Variants in MAGI2 observed in about 807,000 individuals in gnomAD.
The protein encoded by MAGI2 is membrane-associated guanylate kinase, WW and PDZ domain-containing protein 2.
Under a neutral mutation model 133.3 loss-of-function variants are expected in MAGI2, and 35 were observed. That is an observed-to-expected ratio of 0.26 (90% confidence interval 0.20 to 0.35). MAGI2 has a LOEUF of 0.35. MAGI2 is among the 10% of genes least tolerant of loss of function. The pLI, the probability that MAGI2 is intolerant of heterozygous loss-of-function variation, is 1.00. For synonymous variants in MAGI2, 729 were observed against 710.6 expected (o/e 1.03, Z -0.41); for missense variants, 1,636 against 1,863.4 (o/e 0.88, Z 2.25).
intron 21 of MAGI2, among the ~76,000 whole-genome samples, chr7:78,040,903 T>A (rs1011433341): frequency 3.9e-5 from 6 of 152,196 alleles, no homozygotes. Flanking sequence ...GGCGGCTAGA[T>A]CATTCTGGAG....
intron 1 of MAGI2, among the ~76,000 whole-genome samples, chr7:79,008,335 A>G (rs182735687): frequency 2.6e-5 from 4 of 152,246 alleles, no homozygotes; most frequent in Non-Finnish European, 4.4e-5. Flanking sequence ...ACAGGTGCAA[A>G]ACAAACAGCT....
chr7:78,458,613 C>A (rs1789601186), intron 6 of MAGI2, among the ~76,000 whole-genome samples: 1 of 148,984 alleles, frequency 6.7e-6, no homozygotes. Flanking sequence ...GGTAAATCAT[C>A]TTTGCTGCAA....
intron 2 of MAGI2, among the ~76,000 whole-genome samples, chr7:78,939,486 T>TAGAA (rs911586982): frequency 2.0e-5 from 3 of 152,136 alleles, no homozygotes; most frequent in African/African-American, 7.2e-5. Context: ...AAAGGCTACA[T>TAGAA]AGAAGAAAGA....
chr7:78,177,939 A>G, intron 14 of MAGI2, 72 bp downstream of exon 14: 1 of 1,093,732 alleles, frequency 9.1e-7, no homozygotes, highest in Non-Finnish European at 1.4e-6. Flanking sequence ...ATATCACACT[A>G]AACACTATTT....
chr7:79,449,476 C>T (rs1849088428), intron 1 of MAGI2, among the ~76,000 whole-genome samples: 1 of 151,490 alleles, frequency 6.6e-6, no homozygotes, highest in Non-Finnish European at 1.5e-5. Flanking sequence ...GGAATGTAGG[C>T]CACAAAGGCC....
intron 6 of MAGI2, among the ~76,000 whole-genome samples, chr7:78,397,089 C>A (rs1562940039): frequency 6.6e-6 from 1 of 151,742 alleles, no homozygotes. Flanking sequence ...TGATAGCTGG[C>A]AACAGAGTTT....
chr7:78,019,793 G>C lies in MAGI2; in HGVS notation c.3890C>G (p.Pro1297Arg), dbSNP rs1444383426. The C allele has an allele frequency of 6.2e-7, 1 of 1,613,168 alleles. No homozygotes were observed. The highest frequency in any genetic ancestry group is 1.1e-5 in the South Asian group (1 of 91,060). The change falls in exon 22 of 22, where the codon CCA becomes CGA. Residue 1297 changes from proline to arginine, a missense_variant. This residue lies in a region of MAGI2 where 354 missense variants were observed against 298.7 expected (regional missense o/e 1.19). Coordinates refer to ENST00000354212, the MANE Select transcript of MAGI2 (RefSeq NM_012301.4). ...CTGGCCGCAGGCTGAAAGCTCCTTT[G>C]GTTTCCTAACGTCGTGTTCCCGTTT... ...DIKREHDVRK[P>R]KELSACGQKK...
At chr7:79,003,180 A>T (rs370654946) in intron 2 of MAGI2, among the ~76,000 whole-genome samples, 1 of 151,988 alleles carries the variant, frequency 6.6e-6, no homozygotes, top group African/African-American at 2.4e-5. Flanking sequence ...GAGTATATGT[A>T]TATGTGTGTA....
chr7:78,197,771 G>A (rs1828867475), intron 11 of MAGI2: 1 of 152,208 alleles, frequency 6.6e-6, no homozygotes, highest in Admixed American at 6.5e-5. Flanking sequence ...CCAAGAAAAA[G>A]CAGACATATT....
intron 9 of MAGI2, among the ~76,000 whole-genome samples, chr7:78,321,401 G>C (rs944027830): frequency 1.3e-5 from 2 of 152,142 alleles, no homozygotes; most frequent in African/African-American, 4.8e-5. Context: ...AAAACAGCAT[G>C]ATACTGGTAC....
intron 1 of MAGI2, among the ~76,000 whole-genome samples, chr7:79,310,563 A>T (rs2129560601): frequency 6.6e-6 from 1 of 152,300 alleles, no homozygotes; most frequent in African/African-American, 2.4e-5. Context: ...AAACTAAATT[A>T]TTGGGTAAGT....
At chr7:78,586,181 C>G (rs1803386004) in intron 3 of MAGI2, among the ~76,000 whole-genome samples, 1 of 152,206 alleles carries the variant, frequency 6.6e-6, no homozygotes, top group African/African-American at 2.4e-5. Context: ...TGTTGCAACA[C>G]TTGCACATCT....
At chr7:78,023,871 A>T (rs1030795269) in intron 21 of MAGI2, among the ~76,000 whole-genome samples, 3 of 152,268 alleles carry the variant, frequency 2.0e-5, no homozygotes, top group Non-Finnish European at 4.4e-5. Flanking sequence ...GATTAAAGGT[A>T]ATACAAATTA....
At chr7:79,444,718 T>C (rs927955396) in intron 1 of MAGI2, among the ~76,000 whole-genome samples, 31 of 152,028 alleles carry the variant, frequency 2.0e-4, no homozygotes, top group African/African-American at 5.6e-4. Flanking sequence ...GAATCAATAT[T>C]GTGAAAATGG....
At chr7:79,390,487 A>G (rs1025683661) in intron 1 of MAGI2, among the ~76,000 whole-genome samples, 1 of 152,246 alleles carries the variant, frequency 6.6e-6, no homozygotes, top group East Asian at 1.9e-4. Context: ...TTTAGAAGTC[A>G]GTTATAAATG....
At chr7:78,827,625 A>G (rs1323887281) in intron 2 of MAGI2, among the ~76,000 whole-genome samples, 1 of 152,182 alleles carries the variant, frequency 6.6e-6, no homozygotes, top group African/African-American at 2.4e-5. Flanking sequence ...AACATATAAG[A>G]TGAGCACATT....
chr7:78,061,539 G>A (rs543841912), intron 21 of MAGI2, among the ~76,000 whole-genome samples: 1 of 152,040 alleles, frequency 6.6e-6, no homozygotes, highest in Non-Finnish European at 1.5e-5. Flanking sequence ...TCAAGAGGAG[G>A]AATATTTTGG....
chr7:79,142,373 AT>A (rs572032851), intron 1 of MAGI2, among the ~76,000 whole-genome samples: 112 of 152,296 alleles, frequency 7.4e-4, no homozygotes, highest in African/African-American at 2.6e-3. Flanking sequence ...TTAAACATAA[AT>A]TTATGTTGTT....
chr7:79,104,198 T>C (rs958347051), intron 1 of MAGI2, among the ~76,000 whole-genome samples: 3 of 152,172 alleles, frequency 2.0e-5, no homozygotes, highest in African/African-American at 7.2e-5. Flanking sequence ...CTGTCATACT[T>C]AAGCCAAATT....
Sources: allele counts gnomAD v4.1 joint callset (sites outside exome capture counted in the v4.1 genomes callset), GRCh38; gene constraint gnomAD v4.1.1; regional missense constraint gnomAD v4.1.1; transcripts MANE v1.5; gene names NCBI Gene and HGNC (gene_info 2026-07-23, HGNC 2026-07-21).